Variants in ZNF880 observed in about 807,000 individuals in gnomAD.
ZNF880 encodes the protein zinc finger protein LOC400713.
In ZNF880, 12 loss-of-function variants were observed where a neutral mutation model predicts 11.8. The ratio of observed to expected loss-of-function variants is 1.02; its 90% CI spans 0.65 to 1.65. The LOEUF (loss-of-function observed/expected upper bound fraction) is 1.65. ZNF880 is among the 40% of genes most tolerant of loss of function. The pLI, the probability that ZNF880 is intolerant of heterozygous loss-of-function variation, is 0.00. For synonymous variants in ZNF880, 210 were observed against 232.4 expected, an observed-to-expected ratio of 0.90 and a Z score of 0.88; for missense variants, 601 against 673.9, an observed-to-expected ratio of 0.89 and a Z score of 1.20.
chr19:52,396,579 G>A, the ZNF880 span: 1 of 152,268 alleles, frequency 6.6e-6, no homozygotes, highest in Non-Finnish European at 1.5e-5. Context: ...GCCTGCTTGT[G>A]GGCCTTATGT....
rs547039081 is a variant in ZNF880 at position 52,382,144 on chromosome 19, C to T, written c.269-1705C>T. On this transcript the variant is annotated intron_variant, in intron 3 of 3. Coordinates refer to ENST00000422689, the MANE Select transcript of ZNF880 (RefSeq NM_001145434.2). ...CAAAAATTAGCCAGGTGGGGTAACG[C>T]ATGCCTATAATCCCAGCTACTACTT... Among the ~76,000 whole-genome samples, 4 of 152,032 alleles carry T rather than the reference C, an allele frequency of 2.6e-5. No individual in the cohort carries two copies. The South Asian group carries it at 8.3e-4, about 32-fold the overall frequency.
rs1368355177 is a variant in ZNF880 at position 52,385,324 on chromosome 19, G to C, written c.*10G>C. On this transcript the variant is annotated 3_prime_UTR_variant, in exon 4 of 4. Transcript: ENST00000422689. ...GAAACCGTACAGATGAAATGTGTGT[G>C]GTAAGATCTTTAGTAATAATTCACA... The C allele has an allele frequency of 2.6e-6, 4 of 1,548,806 alleles. No homozygotes were observed. The South Asian group carries it at 4.8e-5, about 18-fold the overall frequency.
intron 3 of ZNF880, among the ~76,000 whole-genome samples, chr19:52,376,889 C>T (rs954526795): frequency 1.3e-5 from 2 of 151,966 alleles, no homozygotes; most frequent in Non-Finnish European, 2.9e-5. Flanking sequence ...GGATATTAGT[C>T]CTTTGTCAGA....
intron 1 of ZNF880, chr19:52,370,191 C>T: frequency 1.6e-6 from 1 of 619,986 alleles, no homozygotes; most frequent in Admixed American, 2.8e-5. Flanking sequence ...CACCACAGGG[C>T]CATGTAGACA....
At position 52,385,768 on chromosome 19, in the gene ZNF880, A is replaced by G. The variant is rs1986868092; in HGVS notation, c.*454A>G. The G allele has an allele frequency of 1.3e-5, 2 of 150,266 alleles. 1 individual carries two copies. Among genetic ancestry groups the G allele is most frequent in the Non-Finnish European group, 2.9e-5 (2 of 69,694 alleles). The allele number at this position is 150,266 out of a possible 1,614,324, so 9.3% of individuals were successfully genotyped here. On this transcript the variant is annotated 3_prime_UTR_variant, in exon 4 of 4. Coordinates refer to ENST00000422689, the MANE Select transcript of ZNF880 (RefSeq NM_001145434.2). ...GTCAGTTATATTCAGGCAATTAAAA[A>G]ACCTAATTATATGGGGTTTTTTGAA...
At chr19:52,370,822 G>A (rs1349295246) in intron 1 of ZNF880, among the ~76,000 whole-genome samples, 2 of 152,212 alleles carry the variant, frequency 1.3e-5, no homozygotes, top group African/African-American at 2.4e-5. Flanking sequence ...AGTGGTGCAC[G>A]CTTGTCATTC....
the ZNF880 span, among the ~76,000 whole-genome samples, chr19:52,393,484 A>G: frequency 6.6e-6 from 1 of 151,746 alleles, no homozygotes; most frequent in Non-Finnish European, 1.5e-5. Context: ...TGTAAATATG[A>G]GAAAGGGAAA....
the ZNF880 span, chr19:52,394,738 T>C: frequency 6.6e-6 from 1 of 152,168 alleles, no homozygotes; most frequent in Non-Finnish European, 1.5e-5. Flanking sequence ...CTAATATGGG[T>C]CCATAGTTCT....
At chr19:52,377,728 G>A (rs541352574) in intron 3 of ZNF880, among the ~76,000 whole-genome samples, 2 of 152,332 alleles carry the variant, frequency 1.3e-5, no homozygotes, top group South Asian at 2.1e-4. Flanking sequence ...ATGAAGAGCC[G>A]GATGAGGAGA....
Position 52,384,587 on chromosome 19 carries a change from G to T in ZNF880, c.1007G>T (p.Gly336Val), listed in dbSNP as rs756887152. ...GAATGTGGCAAAGCATTTTCAGGGG[G>T]TTCAGGCCTTACTGCTCATCTTGTA... ...CKECGKAFSG[G>V]SGLTAHLVIH... The change falls in exon 4 of 4, where the codon GGT becomes GTT. Residue 336 changes from glycine to valine, a missense_variant. Physicochemically the swap from Gly to Val is moderately radical, Grantham distance 109. Coordinates refer to ENST00000422689, the MANE Select transcript of ZNF880 (RefSeq NM_001145434.2). 6.2e-7 allele frequency: 1 copy of T among 1,612,584 alleles called. No homozygotes were observed. The highest frequency in any genetic ancestry group is 8.5e-7 in the Non-Finnish European group (1 of 1,179,472).
intron 3 of ZNF880, 101 bp downstream of exon 3, chr19:52,374,528 G>A: frequency 7.3e-7 from 1 of 1,377,002 alleles, no homozygotes; most frequent in Non-Finnish European, 1.0e-6. Context: ...GCAATCATCA[G>A]TGGCAATCGT....
At chr19:52,377,393 G>A (rs1275620612) in intron 3 of ZNF880, among the ~76,000 whole-genome samples, 2 of 152,084 alleles carry the variant, frequency 1.3e-5, no homozygotes, top group Non-Finnish European at 2.9e-5. Flanking sequence ...CTGGTCAACC[G>A]AATGGGTGGG....
In ZNF880 at chr19:52,385,484, A is replaced by T; in HGVS notation, c.*170A>T. 1.2e-6 allele frequency: 1 copy of T among 804,358 alleles called. No homozygotes were observed. The highest frequency in any genetic ancestry group is 1.9e-6 in the Non-Finnish European group (1 of 525,168). 49.8% of individuals were successfully genotyped at this position (804,358 alleles called of 1,614,324 possible). ...AAGAGAAATCATAGCAATGTATGTG[A>T]ATCAGGTCTCTTGAGGCCTGCCAAA... On this transcript the variant is annotated 3_prime_UTR_variant, in exon 4 of 4. Coordinates refer to ENST00000422689, the MANE Select transcript of ZNF880 (RefSeq NM_001145434.2).
intron 3 of ZNF880, among the ~76,000 whole-genome samples, chr19:52,378,952 G>A (rs908093588): frequency 2.0e-5 from 3 of 152,108 alleles, no homozygotes; most frequent in South Asian, 2.1e-4. Context: ...GTGCACACCT[G>A]TAGTCCTAGC....
intron 3 of ZNF880, among the ~76,000 whole-genome samples, chr19:52,375,083 T>C (rs1345964409): frequency 3.3e-5 from 5 of 151,804 alleles, no homozygotes; most frequent in Non-Finnish European, 7.4e-5. Flanking sequence ...GCTGTGTTCT[T>C]TGTTTTTGGC....
At chr19:52,393,826 GC>G in the ZNF880 span, among the ~76,000 whole-genome samples, 493 of 121,990 alleles carry the variant, frequency 4.0e-3, 6 homozygotes, top group Admixed American at 0.012. Context: ...GTATTTCTTT[GC>G]CCCCCCCCTT....
intron 3 of ZNF880, among the ~76,000 whole-genome samples, chr19:52,382,275 T>C (rs1177268650): frequency 6.6e-6 from 1 of 152,000 alleles, no homozygotes; most frequent in Non-Finnish European, 1.5e-5. Context: ...AGACTCTGTC[T>C]CAAAAAACAA....
chr19:52,393,534 A>G, the ZNF880 span, among the ~76,000 whole-genome samples: 6 of 152,140 alleles, frequency 3.9e-5, no homozygotes, highest in African/African-American at 1.4e-4. Context: ...AATCACATGA[A>G]GTGATACCAA....
chr19:52,388,027 G>A (rs1205551481), downstream of ZNF880, among the ~76,000 whole-genome samples: 20 of 137,396 alleles, frequency 1.5e-4, 3 homozygotes, highest in African/African-American at 3.2e-4. Flanking sequence ...CTACAGGCGC[G>A]CACCACCACG....
Sources: allele counts gnomAD v4.1 joint callset (sites outside exome capture counted in the v4.1 genomes callset), GRCh38; gene constraint gnomAD v4.1.1; transcripts MANE v1.5; gene names NCBI Gene and HGNC (gene_info 2026-07-23, HGNC 2026-07-21).